Variants in SPAG16 observed in about 807,000 individuals in gnomAD.
The protein encoded by SPAG16 is sperm associated antigen 16.
SPAG16 carries 86 observed loss-of-function variants against 80.4 expected under a neutral mutation model. The observed-to-expected ratio is 1.07, with a 90% CI of 0.90 to 1.28. SPAG16 has a LOEUF of 1.28. Ranked by LOEUF, SPAG16 falls within the 50% of genes most tolerant of loss-of-function variation. SPAG16 has a pLI of 0.00. For missense variants in SPAG16, 870 were observed against 765.3 expected (o/e 1.14, Z -1.61); for synonymous variants, 294 against 265.9 (o/e 1.11, Z -1.03).
intron 10 of SPAG16, among the ~76,000 whole-genome samples, chr2:213,535,822 A>G (rs1403415605): frequency 6.6e-6 from 1 of 151,122 alleles, no homozygotes; most frequent in Non-Finnish European, 1.5e-5. Context: ...ATTTTTTTTC[A>G]TGAGTCTTGA....
At chr2:214,237,332 A>C (rs550055897) in intron 15 of SPAG16, among the ~76,000 whole-genome samples, 1 of 152,252 alleles carries the variant, frequency 6.6e-6, no homozygotes, top group Non-Finnish European at 1.5e-5. Flanking sequence ...TTAAAAAAAA[A>C]ACACAGATCT....
intron 15 of SPAG16, among the ~76,000 whole-genome samples, chr2:214,235,672 G>GT (rs34761592): frequency 2.3e-4 from 34 of 151,050 alleles, no homozygotes; most frequent in East Asian, 7.8e-4. Context: ...GGTCGCCAAG[G>GT]TTTTTTTTTA....
At chr2:213,909,859 T>C (rs1319110099) in intron 11 of SPAG16, among the ~76,000 whole-genome samples, 1 of 152,200 alleles carries the variant, frequency 6.6e-6, no homozygotes, top group Non-Finnish European at 1.5e-5. Context: ...GTATCAAGGC[T>C]AAGGGTTTAA....
chr2:214,108,474 CA>C (rs2053504785), intron 14 of SPAG16, among the ~76,000 whole-genome samples: 2 of 88,496 alleles, frequency 2.3e-5, no homozygotes, highest in South Asian at 8.3e-4. Context: ...CACACACACA[CA>C]CACACCCCCA....
intron 15 of SPAG16, among the ~76,000 whole-genome samples, chr2:214,186,671 G>C (rs2057488184): frequency 6.6e-6 from 1 of 152,010 alleles, no homozygotes; most frequent in African/African-American, 2.4e-5. Context: ...ACCTGACTAA[G>C]TACACTACAA....
At position 214,212,019 on chromosome 2, in the gene SPAG16, C is replaced by T. The variant is rs1389284715; in HGVS notation, c.1720+62753C>T. Among the ~76,000 whole-genome samples the T allele has an allele frequency of 3.3e-5, 5 of 152,074 alleles. No homozygotes were observed. In the East Asian group the frequency reaches 5.8e-4, roughly 18 times the overall value. On this transcript the variant is annotated intron_variant, in intron 15 of 15. Transcript: ENST00000331683. ...CACTTCATTCTTATCTTGCTAAAGC[C>T]GTTGTCCAGAGAGCAAAATATACTT...
At chr2:214,136,394 A>G (rs1165741470) in intron 14 of SPAG16, among the ~76,000 whole-genome samples, 3 of 152,222 alleles carry the variant, frequency 2.0e-5, no homozygotes, top group Non-Finnish European at 4.4e-5. Context: ...ATTGAGCAGT[A>G]CCAGTACCTA....
intron 10 of SPAG16, among the ~76,000 whole-genome samples, chr2:213,677,420 A>C (rs1389353789): frequency 6.6e-6 from 1 of 152,148 alleles, no homozygotes; most frequent in Non-Finnish European, 1.5e-5. Context: ...AGGATGGAGG[A>C]AGATCTACCA....
chr2:214,035,645 G>A (rs1008956859), intron 13 of SPAG16, among the ~76,000 whole-genome samples: 4 of 152,192 alleles, frequency 2.6e-5, no homozygotes, highest in Admixed American at 6.5e-5. Context: ...AGTAGGAGCA[G>A]ACACTTCTGA....
At chr2:214,088,689 C>T (rs186627585) in intron 13 of SPAG16, among the ~76,000 whole-genome samples, 2 of 151,800 alleles carry the variant, frequency 1.3e-5, no homozygotes, top group African/African-American at 4.8e-5. Context: ...TGAATAGAAC[C>T]ATACCCTGGG....
intron 15 of SPAG16, among the ~76,000 whole-genome samples, chr2:214,274,271 T>A (rs766990452): frequency 1.1e-4 from 16 of 152,294 alleles, no homozygotes; most frequent in Non-Finnish European, 1.3e-4. Context: ...CTTTTCCTAA[T>A]TGAATACCCT....
intron 3 of SPAG16, among the ~76,000 whole-genome samples, chr2:213,301,123 A>G (rs925642498): frequency 1.6e-4 from 25 of 152,158 alleles, no homozygotes; most frequent in African/African-American, 5.5e-4. Context: ...CTCACATCAT[A>G]ATGCTAATGG....
At chr2:214,079,378 TAAAGA>T (rs1201087149) in intron 13 of SPAG16, among the ~76,000 whole-genome samples, 4 of 152,196 alleles carry the variant, frequency 2.6e-5, no homozygotes, top group South Asian at 4.1e-4. Context: ...CACAATCTGG[TAAAGA>T]AAAGAAATCT....
chr2:214,050,526 C>T (rs1184230475), intron 13 of SPAG16, among the ~76,000 whole-genome samples: 1 of 104,092 alleles, frequency 9.6e-6, no homozygotes, highest in African/African-American at 3.5e-5. Context: ...ATTCATATTA[C>T]TTAAGTAATT....
chr2:213,414,011 C>G (rs1378096272), intron 9 of SPAG16, among the ~76,000 whole-genome samples: 4 of 152,096 alleles, frequency 2.6e-5, no homozygotes, highest in African/African-American at 9.7e-5. Flanking sequence ...AACTTTGTAC[C>G]TGAAAATATA....
At chr2:213,608,858 G>T (rs1036211377) in intron 10 of SPAG16, among the ~76,000 whole-genome samples, 1 of 152,212 alleles carries the variant, frequency 6.6e-6, no homozygotes, top group East Asian at 1.9e-4. Flanking sequence ...TAATTTTTTT[G>T]CATTTTCAGT....
At chr2:213,673,742 A>G (rs1397783633) in intron 10 of SPAG16, among the ~76,000 whole-genome samples, 2 of 152,178 alleles carry the variant, frequency 1.3e-5, no homozygotes, top group Non-Finnish European at 2.9e-5. Flanking sequence ...ATTTTATTAT[A>G]TTTTGAAATT....
intron 12 of SPAG16, among the ~76,000 whole-genome samples, chr2:213,943,888 C>T (rs367757284): frequency 1.1e-4 from 16 of 152,280 alleles, no homozygotes; most frequent in Admixed American, 1.0e-3. Context: ...GACGGAAATA[C>T]ACCACAGAAA....
chr2:214,388,149 T>A (rs1700866035), intron 15 of SPAG16, among the ~76,000 whole-genome samples: 1 of 152,010 alleles, frequency 6.6e-6, no homozygotes, highest in African/African-American at 2.4e-5. Context: ...ATATTCCAGA[T>A]CTACTGACCT....
Sources: gnomAD v4.1 joint callset for allele counts (sites outside exome capture counted in the v4.1 genomes callset) on GRCh38, gnomAD v4.1.1 for gene constraint, MANE v1.5 for transcripts, NCBI Gene and HGNC (gene_info 2026-07-23, HGNC 2026-07-21) for gene names.